FAT3: variants seen among roughly 807,000 people sequenced by gnomAD.
FAT3 encodes FAT atypical cadherin 3.
FAT3 carries 95 observed loss-of-function variants against 310.2 expected under a neutral mutation model. That is an observed-to-expected ratio of 0.31 (90% CI 0.26 to 0.36). The LOEUF (loss-of-function observed/expected upper bound fraction) is 0.36, where lower values mean the gene tolerates loss of function less well. Among genes scored for constraint, FAT3 ranks in the 10% least tolerant of loss-of-function variants. The pLI is 1.00. For missense variants in FAT3, 5,408 were observed against 5,715.6 expected (o/e 0.95, Z 1.74); for synonymous variants, 2,314 against 2,192.9 (o/e 1.06, Z -1.54).
rs748940967 is a variant in FAT3 at position 92,774,159 on chromosome 11, G to A, written c.4314G>A (p.Gly1438=). 1 of 1,611,606 alleles carries A rather than the reference G, an allele frequency of 6.2e-7. No individual in the cohort carries two copies. The highest frequency in any genetic ancestry group is 2.2e-5 in the East Asian group (1 of 44,784). Residue 1438 remains glycine, a synonymous_variant, in exon 7 of 28, where the codon GGG becomes GGA. Transcript: ENST00000525166. ...ATATGAGTGTGGAAGTCACCGATGG[G>A]ACAAATGTTGCTGTTACTCAGGTGA... ...IYNMSVEVTD[G]TNVAVTQVFI...
rs558342865 is a variant in FAT3, at chr11:92,359,627, C to T, written c.3292+4223C>T. Among the ~76,000 whole-genome samples, 14 of 144,394 alleles carry T rather than the reference C, an allele frequency of 9.7e-5. No individual in the cohort carries two copies. The East Asian group carries it at 2.2e-3, about 23-fold the overall frequency. The allele number at this position is 144,394 out of a possible 152,430, so 94.7% of individuals were successfully genotyped here. ...TATATCTCCCAATGCTATCCCTCCC[C>T]GCTCCCCCCACCCCACCACAGTCCC... On this transcript the variant is annotated intron_variant, in intron 2 of 27. Coordinates refer to ENST00000525166, the MANE Select transcript of FAT3 (RefSeq NM_001367949.2).
At chr11:92,378,672 G>A (rs1949414400) in intron 2 of FAT3, among the ~76,000 whole-genome samples, 2 of 152,106 alleles carry the variant, frequency 1.3e-5, no homozygotes, top group South Asian at 4.2e-4. Flanking sequence ...ATACTTTGGT[G>A]TTTGTCTTAG....
chr11:92,248,174 C>T (rs2134270770), intron 1 of FAT3, among the ~76,000 whole-genome samples: 1 of 152,178 alleles, frequency 6.6e-6, no homozygotes, highest in South Asian at 2.1e-4. Flanking sequence ...CATTTTCTTT[C>T]ACCCACAGAA....
chr11:92,494,164 T>A (rs530893858), intron 2 of FAT3, among the ~76,000 whole-genome samples: 5 of 151,992 alleles, frequency 3.3e-5, no homozygotes, highest in African/African-American at 1.2e-4. Flanking sequence ...TTAGATCTCA[T>A]TGAGAACTCC....
At chr11:92,264,700 C>CT (rs764920037) in intron 1 of FAT3, among the ~76,000 whole-genome samples, 35 of 152,246 alleles carry the variant, frequency 2.3e-4, no homozygotes, top group Admixed American at 5.9e-4. Context: ...GACAGAGACA[C>CT]TAGCCATGCT....
chr11:92,293,527 T>C (rs1565206703), intron 1 of FAT3, among the ~76,000 whole-genome samples: 1 of 65,158 alleles, frequency 1.5e-5, no homozygotes, highest in East Asian at 3.2e-4. Flanking sequence ...TATATATATA[T>C]ATATATATAT....
At chr11:92,713,064 G>A (rs557763878) in intron 4 of FAT3, among the ~76,000 whole-genome samples, 1 of 152,310 alleles carries the variant, frequency 6.6e-6, no homozygotes, top group African/African-American at 2.4e-5. Context: ...CAGGCTTAAA[G>A]TCTGACATAA....
In FAT3 at chr11:92,883,511, T is replaced by C; in HGVS notation, c.12937+118T>C. On this transcript the variant is annotated intron_variant, in intron 24 of 27. Coordinates refer to ENST00000525166, the MANE Select transcript of FAT3 (RefSeq NM_001367949.2). The surrounding 1 kb of genome is among the most constrained non-coding windows in gnomAD (Gnocchi z 4.2). The stretch of plus-strand genomic sequence containing the variant: ...CGCATGCAGAGCATTCGCTATGACA[T>C]GTGCTGATGTCGAATGTGCACACCA... 2 of 1,315,174 alleles carry C rather than the reference T, an allele frequency of 1.5e-6. No homozygotes were observed. The highest frequency in any genetic ancestry group is 3.0e-5 in the South Asian group (2 of 66,124). The allele number at this position is 1,315,174 out of a possible 1,614,324, so 81.5% of individuals were successfully genotyped here.
At chr11:92,308,490 A>G (rs1025272795) in intron 1 of FAT3, among the ~76,000 whole-genome samples, 3 of 152,198 alleles carry the variant, frequency 2.0e-5, no homozygotes, top group African/African-American at 7.2e-5. Flanking sequence ...AAAAAATACT[A>G]TTTTTAAGGA....
chr11:92,368,221 C>G (rs554683937), intron 2 of FAT3, among the ~76,000 whole-genome samples: 15 of 152,078 alleles, frequency 9.9e-5, no homozygotes, highest in Non-Finnish European at 1.5e-4. Context: ...TTTAATTTTT[C>G]TCCAGTGTGG....
intron 3 of FAT3, among the ~76,000 whole-genome samples, chr11:92,549,477 G>T (rs191549617): frequency 6.6e-6 from 1 of 152,262 alleles, no homozygotes; most frequent in African/African-American, 2.4e-5. Context: ...TCGGTTACAT[G>T]GCCCCATTGA....
chr11:92,649,273 T>C (rs565657535), intron 3 of FAT3, among the ~76,000 whole-genome samples: 6 of 152,310 alleles, frequency 3.9e-5, no homozygotes, highest in African/African-American at 1.4e-4. Context: ...GGATAGCGTT[T>C]TATAGCAAGC....
intron 2 of FAT3, among the ~76,000 whole-genome samples, chr11:92,394,161 G>C (rs977834579): frequency 2.6e-5 from 4 of 152,140 alleles, no homozygotes; most frequent in African/African-American, 9.7e-5. Context: ...TTAAGTCACT[G>C]ATAGATTATA....
intron 2 of FAT3, among the ~76,000 whole-genome samples, chr11:92,442,111 A>ATTTTTTTTTTTTT (rs869097021): frequency 1.1e-4 from 5 of 45,216 alleles, no homozygotes; most frequent in African/African-American, 5.5e-4. Context: ...ATATATATAT[A>ATTTTTTTTTTTTT]TTTTTTTTTT....
intron 3 of FAT3, among the ~76,000 whole-genome samples, chr11:92,616,836 G>A (rs1475503955): frequency 2.0e-5 from 3 of 152,154 alleles, no homozygotes; most frequent in Admixed American, 6.5e-5. Context: ...AGTTTCTGCC[G>A]AGAGATCTGC....
intron 2 of FAT3, among the ~76,000 whole-genome samples, chr11:92,371,828 G>A (rs1483594604): frequency 2.0e-5 from 3 of 152,148 alleles, no homozygotes; most frequent in African/African-American, 7.2e-5. Flanking sequence ...TGGGATCATT[G>A]TCAAGGCCCA....
At chr11:92,604,110 TTC>T (rs1565449814) in intron 3 of FAT3, among the ~76,000 whole-genome samples, 1 of 152,212 alleles carries the variant, frequency 6.6e-6, no homozygotes, top group Non-Finnish European at 1.5e-5. Context: ...GGGTTCTGTT[TTC>T]TTTTGTGAGT....
At chr11:92,505,053 A>C (rs978294618) in intron 2 of FAT3, among the ~76,000 whole-genome samples, 1 of 152,098 alleles carries the variant, frequency 6.6e-6, no homozygotes, top group Non-Finnish European at 1.5e-5. Flanking sequence ...TGCACTTTAG[A>C]AACATTCAGA....
intron 3 of FAT3, among the ~76,000 whole-genome samples, chr11:92,607,663 C>A (rs184453147): frequency 2.0e-5 from 3 of 152,278 alleles, no homozygotes; most frequent in Non-Finnish European, 2.9e-5. Context: ...AAATGCTGAG[C>A]ATCCTTGTGA....
Sources: gnomAD v4.1 joint callset for allele counts (sites outside exome capture counted in the v4.1 genomes callset) on GRCh38, gnomAD v4.1.1 for gene constraint, Gnocchi (gnomAD v3.1) non-coding constraint, MANE v1.5 for transcripts, NCBI Gene and HGNC (gene_info 2026-07-23, HGNC 2026-07-21) for gene names.